KLF7: variants seen among roughly 807,000 people sequenced by gnomAD.
KLF7 encodes the protein KLF transcription factor 7.
KLF7 carries 2 observed loss-of-function variants against 27.3 expected under a neutral mutation model. The observed-to-expected ratio is 0.07, with a 90% CI of 0.03 to 0.23. KLF7 has a LOEUF of 0.23. Ranked by LOEUF, KLF7 falls within the 10% of genes least tolerant of loss-of-function variation. KLF7 has a pLI of 1.00. For missense variants in KLF7, 221 were observed against 394.1 expected, an observed-to-expected ratio of 0.56 and a Z score of 3.72; for synonymous variants, 165 against 162.4, an observed-to-expected ratio of 1.02 and a Z score of -0.12.
chr2:207,118,383 C>T (rs1324822519), intron 2 of KLF7, among the ~76,000 whole-genome samples: 1 of 152,162 alleles, frequency 6.6e-6, no homozygotes. Context: ...TTCTCAGTCA[C>T]CTGATGAGGC....
At chr2:207,149,969 T>C (rs965914159) in intron 1 of KLF7, among the ~76,000 whole-genome samples, 9 of 152,188 alleles carry the variant, frequency 5.9e-5, no homozygotes, top group African/African-American at 2.2e-4. Context: ...TCTAACAACA[T>C]GTGACAGTGT....
intron 2 of KLF7, among the ~76,000 whole-genome samples, chr2:207,119,705 T>A (rs79327802): frequency 0.028 from 4,227 of 152,248 alleles, 182 homozygotes; most frequent in African/African-American, 0.095. Flanking sequence ...CCATTTTTTT[T>A]AATTTTTATT....
intron 1 of KLF7, 32 bp downstream of exon 1, chr2:207,165,435 C>T (rs754369792): frequency 5.6e-6 from 9 of 1,613,862 alleles, no homozygotes; most frequent in Non-Finnish European, 6.8e-6. Flanking sequence ...GCCGCCACCA[C>T]ACGATTTACA....
At chr2:207,134,347 C>T (rs2077725320) in intron 1 of KLF7, among the ~76,000 whole-genome samples, 1 of 151,922 alleles carries the variant, frequency 6.6e-6, no homozygotes, top group African/African-American at 2.4e-5. Context: ...CTCTCCCTCG[C>T]AGCTTGAATT....
At chr2:207,153,176 G>A (rs375958020) in intron 1 of KLF7, among the ~76,000 whole-genome samples, 1 of 152,104 alleles carries the variant, frequency 6.6e-6, no homozygotes, top group Non-Finnish European at 1.5e-5. Flanking sequence ...ACACCGAGAT[G>A]ATGTTAAACA....
chr2:207,093,303 A>G (rs1361951079), intron 2 of KLF7, among the ~76,000 whole-genome samples: 1 of 152,240 alleles, frequency 6.6e-6, no homozygotes. Flanking sequence ...GTCAAAAGCC[A>G]GGCAAGGCTC....
intron 1 of KLF7, among the ~76,000 whole-genome samples, chr2:207,129,027 G>A (rs557049533): frequency 3.0e-4 from 45 of 152,288 alleles, no homozygotes; most frequent in African/African-American, 7.0e-4. Flanking sequence ...CTATGGTTGC[G>A]TAACATTAGG....
At chr2:207,096,836 T>A (rs988077004) in intron 2 of KLF7, among the ~76,000 whole-genome samples, 1 of 152,220 alleles carries the variant, frequency 6.6e-6, no homozygotes, top group Non-Finnish European at 1.5e-5. Flanking sequence ...CCCATAAAAG[T>A]GCCATTAAGA....
chr2:207,086,126 T>C (rs2076382706), intron 3 of KLF7, among the ~76,000 whole-genome samples: 1 of 152,130 alleles, frequency 6.6e-6, no homozygotes, highest in Non-Finnish European at 1.5e-5. Flanking sequence ...AATAGGGCAG[T>C]GTAATTGTTC....
chr2:207,083,989 T>C (rs2076331742), intron 3 of KLF7, among the ~76,000 whole-genome samples: 1 of 152,148 alleles, frequency 6.6e-6, no homozygotes, highest in African/African-American at 2.4e-5. Context: ...TTTAGCCCAG[T>C]GAGACTTGTG....
chr2:207,091,036 A>G (rs945455954), intron 2 of KLF7, among the ~76,000 whole-genome samples: 1 of 152,176 alleles, frequency 6.6e-6, no homozygotes, highest in Non-Finnish European at 1.5e-5. Context: ...AGGAAATTCC[A>G]TGAAATTCTA....
chr2:207,130,180 C>T (rs571342441), intron 1 of KLF7, among the ~76,000 whole-genome samples: 2 of 152,300 alleles, frequency 1.3e-5, no homozygotes, highest in South Asian at 4.1e-4. Flanking sequence ...TTTCCCATGC[C>T]CATATGCTCG....
Position 207,165,841 on chromosome 2 carries a change from C to G in KLF7, c.-273G>C. ...CTGCCAGGAAAAGGGGACTTCTCCA[C>G]GGGAGTAACAATTCCCTTCCAGGGC... On this transcript the variant is annotated 5_prime_UTR_variant, in exon 1 of 4. Coordinates refer to ENST00000309446, the MANE Select transcript of KLF7 (RefSeq NM_003709.4). 8 of 1,301,496 alleles carry G rather than the reference C, an allele frequency of 6.1e-6. No homozygotes were observed. The highest frequency in any genetic ancestry group is 7.8e-6 in the Non-Finnish European group (8 of 1,019,626). 80.6% of individuals were successfully genotyped at this position (1,301,496 alleles called of 1,614,324 possible). A position where few individuals can be genotyped will look rare whatever the true frequency, so the allele number is the denominator to read the frequency against.
In KLF7 at chr2:207,099,869, C is replaced by T. The variant is rs13383786; in HGVS notation, c.734-11288G>A. On this transcript the variant is annotated intron_variant, in intron 2 of 3. Coordinates refer to ENST00000309446, the MANE Select transcript of KLF7 (RefSeq NM_003709.4). ...ATGAGATCAGATGTGGTGGCTCACA[C>T]CTGTAATCCCAGCACTTTGGGAGGC... 4.7e-3 allele frequency among the ~76,000 whole-genome samples: 714 copies of T among 152,220 alleles called. 4 individuals carry two copies. The highest frequency in any genetic ancestry group is 0.016 in the African/African-American group (672 of 41,522).
intron 3 of KLF7, among the ~76,000 whole-genome samples, chr2:207,086,015 C>T (rs1271388306): frequency 7.0e-6 from 1 of 142,620 alleles, no homozygotes; most frequent in Non-Finnish European, 1.5e-5. Context: ...AAACCAAAAA[C>T]GTCATGAATT....
chr2:207,116,536 T>C (rs1217571195), intron 2 of KLF7, among the ~76,000 whole-genome samples: 3 of 152,228 alleles, frequency 2.0e-5, no homozygotes, highest in East Asian at 1.9e-4. Context: ...CATCTTAGCC[T>C]TCACTCTTTA....
intron 2 of KLF7, among the ~76,000 whole-genome samples, chr2:207,109,166 C>T (rs2076962237): frequency 6.6e-6 from 1 of 152,180 alleles, no homozygotes; most frequent in Non-Finnish European, 1.5e-5. Flanking sequence ...TTTGCATCTT[C>T]AAAACCAGCT....
chr2:207,124,626 G>A (rs2077432206), intron 1 of KLF7, among the ~76,000 whole-genome samples: 1 of 152,138 alleles, frequency 6.6e-6, no homozygotes, highest in Non-Finnish European at 1.5e-5. Flanking sequence ...AGCTGAAGGA[G>A]AACAAGAGCC....
chr2:207,085,164 GAAAAAAAAAAAA>G (rs1015691241), intron 3 of KLF7, among the ~76,000 whole-genome samples: 5 of 22,994 alleles, frequency 2.2e-4, no homozygotes, highest in Admixed American at 7.2e-4. Flanking sequence ...TGTCTCAAAT[GAAAAAAAAAAAA>G]AAAAAAAAAA....
Sources: allele counts gnomAD v4.1 joint callset (sites outside exome capture counted in the v4.1 genomes callset), GRCh38; gene constraint gnomAD v4.1.1; transcripts MANE v1.5; gene names NCBI Gene and HGNC (gene_info 2026-07-23, HGNC 2026-07-21).